The following FAM193B variants were observed in gnomAD, a reference collection of about 807,000 sequenced individuals.
The protein encoded by FAM193B is protein FAM193B.
FAM193B carries 27 observed loss-of-function variants against 70.7 expected under a neutral mutation model. The ratio of observed to expected loss-of-function variants is 0.38; its 90% CI spans 0.28 to 0.53. The LOEUF (loss-of-function observed/expected upper bound fraction) is 0.53, where lower values mean the gene tolerates loss of function less well. FAM193B is among the 20% of genes least tolerant of loss of function. The pLI, the probability that FAM193B is intolerant of heterozygous loss-of-function variation, is 0.81. For synonymous variants in FAM193B, 448 were observed against 436.0 expected (o/e 1.03, Z -0.34); for missense variants, 1,022 against 1,072.5 (o/e 0.95, Z 0.66).
Position 177,532,360 on chromosome 5 carries a change from G to C in FAM193B, c.1275+83C>G. 8.6e-6 allele frequency: 13 copies of C among 1,518,968 alleles called. No individual in the cohort carries two copies. The highest frequency in any genetic ancestry group is 1.1e-5 in the Non-Finnish European group (13 of 1,135,460). The allele number at this position is 1,518,968 out of a possible 1,614,324, so 94.1% of individuals were successfully genotyped here. On this transcript the variant is annotated intron_variant, in intron 5 of 8. Coordinates refer to ENST00000514747, the MANE Select transcript of FAM193B (RefSeq NM_001190946.3). This position sits in a 1 kb window ranked among gnomAD's most constrained non-coding sequence, Gnocchi z 4.9. ...CACGGTAATTACCACCGTGAGCAAC[G>C]GGGTCTCTGGGGAGAGCAGGGTGCT...
Position 177,537,859 on chromosome 5 carries a change from G to A in FAM193B, c.688+14C>T. 1 of 1,602,584 alleles carries A rather than the reference G, an allele frequency of 6.2e-7. No individual in the cohort carries two copies. The highest frequency in any genetic ancestry group is 8.5e-7 in the Non-Finnish European group (1 of 1,172,484). On this transcript the variant is annotated intron_variant, in intron 3 of 8. Coordinates refer to ENST00000514747, the MANE Select transcript of FAM193B (RefSeq NM_001190946.3). The stretch of plus-strand genomic sequence containing the variant: ...TTTATAGGGCCTGGCTCTCTCCCGA[G>A]CCTGGAGACTCACCGGGGATGGTAG...
At position 177,538,133 on chromosome 5, in the gene FAM193B, C is replaced by T; in HGVS notation, c.454-26G>A. On this transcript the variant is annotated intron_variant, in intron 2 of 8. Coordinates refer to ENST00000514747, the MANE Select transcript of FAM193B (RefSeq NM_001190946.3). This position sits in a 1 kb window ranked among gnomAD's most constrained non-coding sequence, Gnocchi z 4.1. Reference sequence around the variant, plus strand: ...CTGGAGAAGGGGGAGGAAAAAGGCTCACGGTCAAACAGCAAACATCGGAGC... The same window carrying T: ...CTGGAGAAGGGGGAGGAAAAAGGCTTACGGTCAAACAGCAAACATCGGAGC... The T allele has an allele frequency of 6.6e-7, 1 of 1,514,636 alleles. No individual in the cohort carries two copies. Among genetic ancestry groups the T allele is most frequent in the African/African-American group, 1.4e-5 (1 of 72,382 alleles). 93.8% of individuals were successfully genotyped at this position (1,514,636 alleles called of 1,614,324 possible). A position where few individuals can be genotyped will look rare whatever the true frequency, so the allele number is the denominator to read the frequency against.
rs970947572 is a variant in FAM193B, at chr5:177,538,152, T to A, written c.454-45A>T. 1.1e-5 allele frequency: 17 copies of A among 1,497,762 alleles called. No homozygotes were observed. In the African/African-American group the frequency reaches 2.4e-4, roughly 21 times the overall value. The allele number at this position is 1,497,762 out of a possible 1,614,324, so 92.8% of individuals were successfully genotyped here. A position where few individuals can be genotyped will look rare whatever the true frequency, so the allele number is the denominator to read the frequency against. On this transcript the variant is annotated intron_variant, in intron 2 of 8. Coordinates refer to ENST00000514747, the MANE Select transcript of FAM193B (RefSeq NM_001190946.3). This position sits in a 1 kb window ranked among gnomAD's most constrained non-coding sequence, Gnocchi z 4.1. ...AAGGCTCACGGTCAAACAGCAAACA[T>A]CGGAGCTGACCCTCTGCTGCCTCAG... is the stretch of plus-strand genomic sequence containing the variant.
In FAM193B at chr5:177,523,985, T is replaced by A. The variant is rs1762175265; in HGVS notation, c.2344A>T (p.Thr782Ser). 1 of 1,613,996 alleles carries A rather than the reference T, an allele frequency of 6.2e-7. No homozygotes were observed. The highest frequency in any genetic ancestry group is 8.5e-7 in the Non-Finnish European group (1 of 1,179,892). ...KDMDGVEMDE[T>S]DREVEYFKRF... ...TTAAAGTACTCCACCTCTCGGTCAG[T>A]CTCATCCATCTCCACCCCGTCCATG... is the stretch of plus-strand genomic sequence containing the variant. The change falls in exon 7 of 9, where the codon ACT (threonine) becomes TCT (serine). Residue 782 changes from threonine to serine, a missense_variant. Coordinates refer to ENST00000514747, the MANE Select transcript of FAM193B (RefSeq NM_001190946.3).
chr5:177,523,812 G>A (rs1172008703), intron 7 of FAM193B, 145 bp downstream of exon 7: 3 of 840,634 alleles, frequency 3.6e-6, no homozygotes, highest in Admixed American at 2.4e-5. Context: ...GCTGGTGGGA[G>A]AGGGCCTGGG....
Position 177,532,033 on chromosome 5 carries a change from C to T in FAM193B, c.1275+410G>A, listed in dbSNP as rs1250768498. On this transcript the variant is annotated intron_variant, in intron 5 of 8. Transcript: ENST00000514747. The surrounding 1 kb of genome is among the most constrained non-coding windows in gnomAD (Gnocchi z 4.9). ...ATCTGAGCCTCCTTCCTGGCGCCGT[C>T]TGTGCTCACGGCCTGTCCCTCGGCT... is the stretch of plus-strand genomic sequence containing the variant. 7.7e-7 allele frequency: 1 copy of T among 1,292,704 alleles called. No individual in the cohort carries two copies. Among genetic ancestry groups the T allele is most frequent in the Non-Finnish European group, 1.0e-6 (1 of 991,174 alleles). 80.1% of individuals were successfully genotyped at this position (1,292,704 alleles called of 1,614,324 possible).
intron 7 of FAM193B, chr5:177,523,289 C>T (rs747311441): frequency 3.4e-5 from 11 of 323,336 alleles, no homozygotes; most frequent in South Asian, 8.8e-5. Context: ...CATGAGCCAC[C>T]GCGCTTGGCC....
In FAM193B at chr5:177,538,163, C is replaced by T; in HGVS notation, c.454-56G>A. 2 of 1,469,388 alleles carry T rather than the reference C, an allele frequency of 1.4e-6. No individual in the cohort carries two copies. Among genetic ancestry groups the T allele is most frequent in the East Asian group, 2.5e-5 (1 of 40,010 alleles). 91.0% of individuals were successfully genotyped at this position (1,469,388 alleles called of 1,614,324 possible). On this transcript the variant is annotated intron_variant, in intron 2 of 8. Transcript: ENST00000514747. The surrounding 1 kb of genome is among the most constrained non-coding windows in gnomAD (Gnocchi z 4.1). ...TCAAACAGCAAACATCGGAGCTGACCCTCTGCTGCCTCAGCTTTTCCTGAG... is the reference window on the plus strand; with the variant it reads ...TCAAACAGCAAACATCGGAGCTGACTCTCTGCTGCCTCAGCTTTTCCTGAG...
intron 5 of FAM193B, among the ~76,000 whole-genome samples, chr5:177,529,989 T>C (rs1255150937): frequency 6.6e-6 from 1 of 152,230 alleles, no homozygotes; most frequent in Non-Finnish European, 1.5e-5. Context: ...GAATCACTTC[T>C]GCTTTCCAAA....
At chr5:177,531,396 G>A (rs2306761) in intron 5 of FAM193B, 52,048 of 1,291,778 alleles carry the variant, frequency 0.04, 2,217 homozygotes, top group East Asian at 0.34. Context: ...GGTCCACGGC[G>A]GGCTCCCCAG....
intron 5 of FAM193B, among the ~76,000 whole-genome samples, chr5:177,525,663 A>AT (rs1300642848): frequency 1.3e-5 from 2 of 152,240 alleles, no homozygotes; most frequent in African/African-American, 4.8e-5. Flanking sequence ...TCCTGATGCT[A>AT]TGTCTGGGTG....
intron 1 of FAM193B, among the ~76,000 whole-genome samples, chr5:177,548,789 T>C (rs1464113226): frequency 4.6e-5 from 7 of 152,194 alleles, no homozygotes; most frequent in East Asian, 3.8e-4. Flanking sequence ...AGAGAATGTA[T>C]TGAAGCACAT....
intron 8 of FAM193B, 69 bp downstream of exon 8, chr5:177,521,904 TG>T: frequency 8.2e-7 from 1 of 1,220,402 alleles, no homozygotes; most frequent in Non-Finnish European, 1.2e-6. Flanking sequence ...CAGAATGGTC[TG>T]GTGAGCGTAC....
Position 177,532,667 on chromosome 5 carries a change from G to A in FAM193B, c.1077-26C>T. On this transcript the variant is annotated intron_variant, in intron 4 of 8. Coordinates refer to ENST00000514747, the MANE Select transcript of FAM193B (RefSeq NM_001190946.3). The surrounding 1 kb of genome is among the most constrained non-coding windows in gnomAD (Gnocchi z 4.9). Reference sequence around the variant, plus strand: ...CTGATGATGGGGAGGAAGGCCCAGAGGTGAGGCAGGGTGATGCAGAAACCC... The same window carrying A: ...CTGATGATGGGGAGGAAGGCCCAGAAGTGAGGCAGGGTGATGCAGAAACCC... 1 of 1,486,138 alleles carries A rather than the reference G, an allele frequency of 6.7e-7. No individual in the cohort carries two copies. The allele number at this position is 1,486,138 out of a possible 1,614,324, so 92.1% of individuals were successfully genotyped here.
In FAM193B at chr5:177,532,024, T is replaced by C. The variant is rs28384297; in HGVS notation, c.1275+419A>G. 3,804 of 1,291,860 alleles carry C rather than the reference T, an allele frequency of 2.9e-3. 74 individuals are homozygous for C. In the African/African-American group the frequency reaches 0.049, roughly 17 times the overall value. The allele number at this position is 1,291,860 out of a possible 1,614,324, so 80.0% of individuals were successfully genotyped here. ...TGCCCTCTGATCTGAGCCTCCTTCC[T>C]GGCGCCGTCTGTGCTCACGGCCTGT... On this transcript the variant is annotated intron_variant, in intron 5 of 8. Transcript: ENST00000514747. This position sits in a 1 kb window ranked among gnomAD's most constrained non-coding sequence, Gnocchi z 4.9.
chr5:177,521,041 A>G (rs1421329283), intron 8 of FAM193B, among the ~76,000 whole-genome samples: 3 of 152,224 alleles, frequency 2.0e-5, no homozygotes, highest in East Asian at 3.9e-4. Context: ...CTGGCACTGG[A>G]AAGAGGAGAA....
chr5:177,527,704 G>A (rs1229794566), intron 5 of FAM193B, among the ~76,000 whole-genome samples: 2 of 152,244 alleles, frequency 1.3e-5, no homozygotes, highest in Non-Finnish European at 2.9e-5. Flanking sequence ...TACAGCAAGT[G>A]TGGCAGAGCC....
intron 5 of FAM193B, among the ~76,000 whole-genome samples, chr5:177,526,532 TA>T (rs538618277): frequency 1.2e-3 from 163 of 141,394 alleles, no homozygotes; most frequent in Admixed American, 1.3e-3. Context: ...GTTTGGCTGC[TA>T]AAAAAAAAAA....
chr5:177,551,681 A>G (rs1431963218), intron 1 of FAM193B, among the ~76,000 whole-genome samples: 1 of 152,256 alleles, frequency 6.6e-6, no homozygotes, highest in Non-Finnish European at 1.5e-5. Flanking sequence ...GAAACAAAAC[A>G]ATATGTGAGC....
Sources: gnomAD v4.1 joint callset for allele counts (sites outside exome capture counted in the v4.1 genomes callset) on GRCh38, gnomAD v4.1.1 for gene constraint, Gnocchi (gnomAD v3.1) non-coding constraint, MANE v1.5 for transcripts, NCBI Gene and HGNC (gene_info 2026-07-23, HGNC 2026-07-21) for gene names.